Variants in MACF1 observed in about 807,000 individuals in gnomAD.
MACF1 encodes microtubule-actin cross-linking factor 1.
Under a neutral mutation model 854.8 loss-of-function variants are expected in MACF1, and 193 were observed. The observed-to-expected ratio is 0.23, with a 90% CI of 0.20 to 0.25. The LOEUF is 0.25. MACF1 is among the 10% of genes least tolerant of loss of function. The pLI is 1.00. For synonymous variants in MACF1, 3,185 were observed against 3,226.7 expected (o/e 0.99, Z 0.44); for missense variants, 7,722 against 8,929.1 (o/e 0.86, Z 5.45).
intron 2 of MACF1, among the ~76,000 whole-genome samples, chr1:39,191,623 C>T (rs1644256181): frequency 6.6e-6 from 1 of 152,200 alleles, no homozygotes; most frequent in Admixed American, 6.5e-5. Context: ...AGGGCTGTGC[C>T]ACAGGGTGTG....
intron 59 of MACF1, 65 bp from the exon 60 acceptor site, chr1:39,422,665 G>T: frequency 6.4e-7 from 1 of 1,557,458 alleles, no homozygotes; most frequent in Non-Finnish European, 8.8e-7. Context: ...TACTAAAAGA[G>T]GTCAGTAGTA....
chr1:39,383,733 CG>C lies in MACF1; in HGVS notation c.13848+1584del, dbSNP rs1396424228. 5.3e-5 allele frequency among the ~76,000 whole-genome samples: 8 copies of C among 152,014 alleles called. No homozygotes were observed. In the East Asian group the frequency reaches 1.5e-3, roughly 29 times the overall value. Reference sequence around the variant, plus strand: ...TCTACTAAAAATACAAAAAATTAGCCGGGTGTGGTGGCGGGTGCCTGTAGTC... The same window carrying C: ...TCTACTAAAAATACAAAAAATTAGCCGGTGTGGTGGCGGGTGCCTGTAGTC... On this transcript the variant is annotated intron_variant, in intron 56 of 100. Transcript: ENST00000564288.
chr1:39,180,344 G>A (rs552484156), intron 2 of MACF1, among the ~76,000 whole-genome samples: 1 of 152,238 alleles, frequency 6.6e-6, no homozygotes, highest in African/African-American at 2.4e-5. Context: ...GGCCAGGCAT[G>A]GTGGCTCGTA....
chr1:39,256,471 A>G (rs1319472054), intron 5 of MACF1, among the ~76,000 whole-genome samples: 3 of 152,194 alleles, frequency 2.0e-5, no homozygotes, highest in Non-Finnish European at 4.4e-5. Flanking sequence ...TGAGGCCTCC[A>G]TTTGAGAAGG....
chr1:39,356,269 G>T (rs1647557379), intron 44 of MACF1, among the ~76,000 whole-genome samples: 1 of 152,078 alleles, frequency 6.6e-6, no homozygotes, highest in Admixed American at 6.6e-5. Context: ...TTATTACCCA[G>T]AAATACAGTT....
At chr1:39,226,373 C>T (rs1314076714) in intron 1 of MACF1, among the ~76,000 whole-genome samples, 2 of 148,442 alleles carry the variant, frequency 1.3e-5, no homozygotes, top group African/African-American at 5.0e-5. Flanking sequence ...TGGAGTCTTG[C>T]GCTGTTGCCC....
At position 39,340,573 on chromosome 1, in the gene MACF1, C is replaced by G; in HGVS notation, c.10287C>G (p.Ile3429Met). The G allele has an allele frequency of 6.2e-7, 1 of 1,614,122 alleles. No individual in the cohort carries two copies. The highest frequency in any genetic ancestry group is 8.5e-7 in the Non-Finnish European group (1 of 1,180,032). Reference sequence around the variant, plus strand: ...AGCTGGAGTGTGTGAATCAGATTATCATCAGCCAGCCTCAAGAAGTTCCTG... The same window carrying G: ...AGCTGGAGTGTGTGAATCAGATTATGATCAGCCAGCCTCAAGAAGTTCCTG... ...SQELECVNQI[I>M]ISQPQEVPAQ... Residue 3429 changes from isoleucine (I) to methionine (M), a missense_variant, in exon 39 of 101, where the codon ATC (isoleucine) becomes ATG (methionine). Ile to Met is a conservative substitution (Grantham distance 10, BLOSUM62 1). This residue lies in a region of MACF1 where 854 missense variants were observed against 852.6 expected (regional missense o/e 1.00). Transcript: ENST00000564288.
chr1:39,098,911 T>C (rs1641999311), intron 2 of MACF1, among the ~76,000 whole-genome samples: 1 of 152,218 alleles, frequency 6.6e-6, no homozygotes, highest in African/African-American at 2.4e-5. Flanking sequence ...AAAAGGTTTC[T>C]AGGAGCTGGG....
At position 39,297,683 on chromosome 1, in the gene MACF1, A is replaced by C; in HGVS notation, c.2419A>C (p.Lys807Gln). ...GAACCTCCAAGATTCCATTAAACGA[A>C]AATATTCCTGTGACCACAACACCAG... Reference protein sequence around the residue: ...LRNLQDSIKRKYSCDHNTSLS... With the variant: ...LRNLQDSIKRQYSCDHNTSLS... The change falls in exon 21 of 101, where the codon AAA (lysine) becomes CAA (glutamine). Residue 807 changes from lysine to glutamine, a missense_variant. Physicochemically the swap from Lys to Gln is moderately conservative, Grantham distance 53. Around this residue, in one of 15 missense-constraint regions of MACF1, gnomAD observed 1,137 missense variants for 1,263.0 expected, o/e 0.90. Transcript: ENST00000564288. 1 of 1,614,168 alleles carries C rather than the reference A, an allele frequency of 6.2e-7. No homozygotes were observed. Among genetic ancestry groups the C allele is most frequent in the African/African-American group, 1.3e-5 (1 of 75,042 alleles).
chr1:39,166,897 A>G (rs2148215783), intron 2 of MACF1, among the ~76,000 whole-genome samples: 1 of 152,328 alleles, frequency 6.6e-6, no homozygotes, highest in African/African-American at 2.4e-5. Flanking sequence ...TAGCTAAGCC[A>G]GTAAGTATGT....
chr1:39,102,575 T>G, intron 2 of MACF1: 1 of 602,004 alleles, frequency 1.7e-6, no homozygotes. Context: ...AGATAACACA[T>G]TAGAGGCGCT....
chr1:39,443,630 C>A, intron 79 of MACF1, 56 bp downstream of exon 79: 3 of 1,511,286 alleles, frequency 2.0e-6, no homozygotes. Context: ...TAGCTCCTTT[C>A]CAAGTTCACA....
intron 74 of MACF1, 104 bp downstream of exon 74, chr1:39,441,429 G>A (rs1000667315): frequency 2.3e-6 from 2 of 862,274 alleles, no homozygotes; most frequent in South Asian, 3.2e-5. Flanking sequence ...TCACAGGACT[G>A]CAGACCTAAG....
At chr1:39,369,913 G>C in intron 50 of MACF1, 117 bp from the exon 51 acceptor site, 1 of 910,826 alleles carries the variant, frequency 1.1e-6, no homozygotes, top group African/African-American at 1.7e-5. Context: ...AAAAGATTAT[G>C]AGAAAGAAAG....
chr1:39,235,631 G>C (rs899492847), intron 2 of MACF1, among the ~76,000 whole-genome samples: 1 of 152,154 alleles, frequency 6.6e-6, no homozygotes, highest in Non-Finnish European at 1.5e-5. Flanking sequence ...CTTTTGTTCA[G>C]GGCCTCTGTG....
At chr1:39,439,804 C>T (rs1363696645) in intron 72 of MACF1, among the ~76,000 whole-genome samples, 1 of 151,898 alleles carries the variant, frequency 6.6e-6, no homozygotes, top group African/African-American at 2.4e-5. Flanking sequence ...CAGGGTTTCC[C>T]CATGTTGACC....
At position 39,453,714 on chromosome 1, in the gene MACF1, T is replaced by A. The variant is rs149436586; in HGVS notation, c.20750T>A (p.Met6917Lys). Reference protein sequence around the residue: ...QSLIDTHKEFMKKVEEKRVDV... With the variant: ...QSLIDTHKEFKKKVEEKRVDV... ...CAAATCTTTTTTGTTTAGGAATTCA[T>A]GAAGAAAGTAGAAGAAAAGCGAGTG... The change falls in exon 88 of 101, where the codon ATG (methionine) becomes AAG (lysine). Residue 6917 changes from methionine (M) to lysine (K), a missense_variant. Around this residue, in one of 15 missense-constraint regions of MACF1, gnomAD observed 729 missense variants for 900.5 expected, o/e 0.81. Transcript: ENST00000564288. The A allele has an allele frequency of 3.0e-5, 49 of 1,613,998 alleles. No homozygotes were observed. Among genetic ancestry groups the A allele is most frequent in the Non-Finnish European group, 3.6e-5 (43 of 1,179,948 alleles).
At chr1:39,189,134 C>G (rs1192348022) in intron 2 of MACF1, among the ~76,000 whole-genome samples, 1 of 152,168 alleles carries the variant, frequency 6.6e-6, no homozygotes, top group East Asian at 1.9e-4. Context: ...TTGTTTTCAG[C>G]CTTACTCTGC....
chr1:39,313,715 G>T (rs544415625), intron 26 of MACF1, among the ~76,000 whole-genome samples: 1 of 152,092 alleles, frequency 6.6e-6, no homozygotes, highest in Non-Finnish European at 1.5e-5. Context: ...GCCAATGGAA[G>T]CCCCTTCAAG....
Sources: gnomAD v4.1 joint callset for allele counts (sites outside exome capture counted in the v4.1 genomes callset) on GRCh38, gnomAD v4.1.1 for gene constraint, gnomAD v4.1.1 regional missense constraint, MANE v1.5 for transcripts, NCBI Gene and HGNC (gene_info 2026-07-23, HGNC 2026-07-21) for gene names.